ZEB2: variants seen among roughly 807,000 people sequenced by gnomAD.
The protein encoded by ZEB2 is zinc finger E-box binding homeobox 2, also known as zinc finger E-box-binding homeobox 2.
A neutral mutation model predicts 99.9 loss-of-function variants in ZEB2; 6 were observed. The observed-to-expected ratio is 0.06, with a 90% CI of 0.03 to 0.12. The LOEUF (loss-of-function observed/expected upper bound fraction) is 0.12, where lower values mean the gene tolerates loss of function less well. Ranked by LOEUF, ZEB2 falls within the 10% of genes least tolerant of loss-of-function variation. The pLI is 1.00. For missense variants in ZEB2, 969 were observed against 1,502.8 expected (o/e 0.64, Z 5.87); for synonymous variants, 517 against 542.5 (o/e 0.95, Z 0.65).
chr2:144,427,886 A>T (rs1019579823), intron 3 of ZEB2: 3 of 152,194 alleles, frequency 2.0e-5, no homozygotes, highest in Non-Finnish European at 2.9e-5. Flanking sequence ...CATTAACTAC[A>T]GGTGATAACA....
chr2:144,426,815 T>C (rs993876987), intron 3 of ZEB2: 1 of 152,224 alleles, frequency 6.6e-6, no homozygotes, highest in African/African-American at 2.4e-5. Context: ...TTTTTCTTTT[T>C]TGAATATCAA....
intron 2 of ZEB2, among the ~76,000 whole-genome samples, chr2:144,469,519 C>T (rs1293228621): frequency 1.3e-5 from 2 of 152,108 alleles, no homozygotes; most frequent in Admixed American, 6.5e-5. Context: ...CTTTTTTTCC[C>T]TTAACCCAAT....
intron 2 of ZEB2, among the ~76,000 whole-genome samples, chr2:144,471,104 A>G (rs528976079): frequency 6.6e-6 from 1 of 152,150 alleles, no homozygotes; most frequent in Admixed American, 6.6e-5. Flanking sequence ...TTCACTTGCT[A>G]TGCCTGCATA....
At position 144,387,436 on chromosome 2, in the gene ZEB2, G is replaced by A. The variant is rs1703100414; in HGVS notation, c.*2015C>T. On this transcript the variant is annotated 3_prime_UTR_variant, in exon 10 of 10. Transcript: ENST00000627532. ...AATACATTCATATTCTGAATATTAG[G>A]GTCATCTTGTAAAAACTGAAAAACT... 1 of 151,996 alleles carries A rather than the reference G, an allele frequency of 6.6e-6. No homozygotes were observed. The highest frequency in any genetic ancestry group is 2.4e-5 in the African/African-American group (1 of 41,388). The allele number at this position is 151,996 out of a possible 1,614,324, so 9.4% of individuals were successfully genotyped here.
chr2:144,455,865 G>A (rs948153596), intron 2 of ZEB2, among the ~76,000 whole-genome samples: 21 of 151,938 alleles, frequency 1.4e-4, no homozygotes, highest in African/African-American at 4.8e-4. Context: ...ATTACTTAAA[G>A]TATATCTCAA....
chr2:144,512,375 A>G (rs1174292438), intron 2 of ZEB2: 2 of 1,287,256 alleles, frequency 1.6e-6, no homozygotes, highest in African/African-American at 1.5e-5. Context: ...GCACTGCTAG[A>G]GGCTAGCAAC....
chr2:144,472,898 T>G (rs1265148773), intron 2 of ZEB2, among the ~76,000 whole-genome samples: 5 of 152,060 alleles, frequency 3.3e-5, no homozygotes, highest in Non-Finnish European at 7.4e-5. Flanking sequence ...GTGACATGTA[T>G]GAAGTGAACA....
At chr2:144,512,113 T>G (rs986705737) in intron 2 of ZEB2, 3 of 1,287,018 alleles carry the variant, frequency 2.3e-6, no homozygotes, top group Non-Finnish European at 3.0e-6. Flanking sequence ...CCAGCACCAT[T>G]GACGTTATAA....
chr2:144,481,068 T>C (rs971392500), intron 2 of ZEB2, among the ~76,000 whole-genome samples: 7 of 152,086 alleles, frequency 4.6e-5, no homozygotes, highest in South Asian at 2.1e-4. Flanking sequence ...GAGTTGAAGA[T>C]CTTAGACAAA....
At chr2:144,477,178 T>C (rs1477073832) in intron 2 of ZEB2, among the ~76,000 whole-genome samples, 1 of 152,330 alleles carries the variant, frequency 6.6e-6, no homozygotes, top group Non-Finnish European at 1.5e-5. Context: ...TAAAATATAA[T>C]GTTGTGAGGC....
intron 1 of ZEB2, among the ~76,000 whole-genome samples, chr2:144,519,117 A>G (rs141541055): frequency 1.3e-5 from 2 of 152,184 alleles, no homozygotes; most frequent in Non-Finnish European, 2.9e-5. Context: ...AATGGGATAT[A>G]TGTGTGTATG....
intron 5 of ZEB2, among the ~76,000 whole-genome samples, chr2:144,404,615 T>C (rs1452459260): frequency 2.0e-5 from 3 of 152,242 alleles, no homozygotes; most frequent in African/African-American, 7.2e-5. Flanking sequence ...AAATGGGCTC[T>C]AATTGTTCTT....
In ZEB2 at chr2:144,393,198, T is replaced by C. The variant is rs569166482; in HGVS notation, c.3068-3170A>G. Among the ~76,000 whole-genome samples the C allele has an allele frequency of 1.2e-4, 18 of 152,264 alleles. No homozygotes were observed. The South Asian group carries it at 3.5e-3, about 30-fold the overall frequency. ...AATTCTGTTGAAGTCAACATTTACA[T>C]AGTGTTTCCCTCCTCTGTCCCAGTC... On this transcript the variant is annotated intron_variant, in intron 9 of 9. Transcript: ENST00000627532.
intron 2 of ZEB2, chr2:144,513,609 T>C (rs1359305715): frequency 6.5e-7 from 1 of 1,530,698 alleles, no homozygotes; most frequent in Non-Finnish European, 8.7e-7. Context: ...TGCTGGAAGG[T>C]GGCGGGATGG....
intron 2 of ZEB2, among the ~76,000 whole-genome samples, chr2:144,489,208 A>G (rs1704642424): frequency 6.6e-6 from 1 of 152,222 alleles, no homozygotes; most frequent in African/African-American, 2.4e-5. Context: ...TGTTATTACA[A>G]TGAAAGAAAA....
At chr2:144,512,518 A>G in intron 2 of ZEB2, 2 of 1,287,224 alleles carry the variant, frequency 1.6e-6, no homozygotes, top group South Asian at 1.2e-5. Flanking sequence ...ACTGAAACCT[A>G]TGACATAGCA....
chr2:144,476,237 C>T (rs1180147025), intron 2 of ZEB2, among the ~76,000 whole-genome samples: 1 of 152,040 alleles, frequency 6.6e-6, no homozygotes, highest in Non-Finnish European at 1.5e-5. Flanking sequence ...GCACCAAAGG[C>T]TTCAGGGAAT....
chr2:144,422,824 C>A (rs988544267), intron 4 of ZEB2, among the ~76,000 whole-genome samples: 2 of 152,012 alleles, frequency 1.3e-5, no homozygotes, highest in Non-Finnish European at 2.9e-5. Flanking sequence ...CAAATCAAAA[C>A]AAAACAACAA....
intron 4 of ZEB2, 81 bp from the exon 5 acceptor site, chr2:144,405,105 A>G: frequency 1.4e-6 from 2 of 1,440,934 alleles, no homozygotes; most frequent in Non-Finnish European, 1.9e-6. Context: ...ATAGCCAGTG[A>G]GAAATGCTGA....
Sources: gnomAD v4.1 joint callset for allele counts (sites outside exome capture counted in the v4.1 genomes callset) on GRCh38, gnomAD v4.1.1 for gene constraint, MANE v1.5 for transcripts, NCBI Gene and HGNC (gene_info 2026-07-23, HGNC 2026-07-21) for gene names.